Variants in PTPRD observed in about 807,000 individuals in gnomAD.
PTPRD encodes protein tyrosine phosphatase receptor type D.
In PTPRD, 34 loss-of-function variants were observed where a neutral mutation model predicts 214.5. That is an observed-to-expected ratio of 0.16 (90% CI 0.12 to 0.21). The LOEUF (loss-of-function observed/expected upper bound fraction) is 0.21. PTPRD is among the 10% of genes least tolerant of loss of function. The pLI is 1.00. For missense variants in PTPRD, 2,545 were observed against 2,398.7 expected, an observed-to-expected ratio of 1.06 and a Z score of -1.27; for synonymous variants, 1,128 against 845.7, an observed-to-expected ratio of 1.33 and a Z score of -5.79.
rs1488788508 is a variant in PTPRD at position 9,781,847 on chromosome 9, CAGT to C, written c.-367-14999_-367-14997del. ...TCGCTCTGTCGCCCAGGCTGGAGTG[CAGT>C]GGCGCAATCTCGGCTCGCTGCAAGC... On this transcript the variant is annotated intron_variant, in intron 5 of 45. Transcript: ENST00000381196. Among the ~76,000 whole-genome samples the C allele has an allele frequency of 1.6e-3, 238 of 149,654 alleles. 1 individual carries two copies. Among genetic ancestry groups the C allele is most frequent in the African/African-American group, 5.6e-3 (224 of 40,214 alleles).
chr9:9,218,572 T>A (rs2099953785), intron 9 of PTPRD, among the ~76,000 whole-genome samples: 1 of 152,080 alleles, frequency 6.6e-6, no homozygotes, highest in Admixed American at 6.6e-5. Context: ...GCCTTCTAAG[T>A]GAGACAAATG....
intron 11 of PTPRD, among the ~76,000 whole-genome samples, chr9:8,905,929 A>G (rs2098704833): frequency 6.6e-6 from 1 of 152,178 alleles, no homozygotes; most frequent in South Asian, 2.1e-4. Context: ...GCAAAAATAA[A>G]TATCACCATA....
intron 11 of PTPRD, among the ~76,000 whole-genome samples, chr9:8,885,067 T>C (rs144453560): frequency 6.6e-6 from 1 of 152,156 alleles, no homozygotes; most frequent in African/African-American, 2.4e-5. Context: ...GAAGTGCTGA[T>C]TGTGTTGAAT....
At chr9:8,969,535 T>A (rs886375908) in intron 11 of PTPRD, among the ~76,000 whole-genome samples, 2 of 151,980 alleles carry the variant, frequency 1.3e-5, no homozygotes, top group African/African-American at 4.8e-5. Flanking sequence ...GTAACATACA[T>A]CCAGCAATAT....
chr9:8,906,355 G>A lies in PTPRD; in HGVS notation c.-104+112342C>T, dbSNP rs138242372. Among the ~76,000 whole-genome samples the A allele has an allele frequency of 2.6e-4, 39 of 152,246 alleles. No individual in the cohort carries two copies. In the East Asian group the frequency reaches 5.2e-3, roughly 20 times the overall value. ...AATTAGTTTGAGTGACTTAAGAAGA[G>A]AGTGCACTGTAGATAGATTCTGACT... On this transcript the variant is annotated intron_variant, in intron 11 of 45. Coordinates refer to ENST00000381196, the MANE Select transcript of PTPRD (RefSeq NM_002839.4).
At chr9:9,291,971 T>A (rs571383722) in intron 9 of PTPRD, among the ~76,000 whole-genome samples, 3 of 151,150 alleles carry the variant, frequency 2.0e-5, no homozygotes, top group Admixed American at 6.6e-5. Flanking sequence ...TAATTTATGC[T>A]TTGCAATTAC....
intron 7 of PTPRD, among the ~76,000 whole-genome samples, chr9:9,609,678 G>A (rs1186439269): frequency 1.3e-5 from 2 of 152,134 alleles, no homozygotes; most frequent in Admixed American, 6.5e-5. Context: ...GGCCAGGCTG[G>A]TCTGGATCTC....
chr9:9,827,603 A>G (rs891550950), intron 5 of PTPRD, among the ~76,000 whole-genome samples: 3 of 152,216 alleles, frequency 2.0e-5, no homozygotes, highest in African/African-American at 4.8e-5. Context: ...ATGGGCAAGG[A>G]CTTCATGTCT....
intron 8 of PTPRD, among the ~76,000 whole-genome samples, chr9:9,461,613 A>C (rs1021518709): frequency 1.3e-5 from 2 of 152,146 alleles, no homozygotes; most frequent in African/African-American, 4.8e-5. Context: ...GGGTCTATTC[A>C]GGAAAATGCC....
chr9:9,822,384 C>T (rs1360192694), intron 5 of PTPRD, among the ~76,000 whole-genome samples: 1 of 150,326 alleles, frequency 6.7e-6, no homozygotes, highest in Non-Finnish European at 1.5e-5. Flanking sequence ...GCATTCCAGC[C>T]TGGTGACAGA....
chr9:10,112,801 C>G (rs2098702254), intron 3 of PTPRD, among the ~76,000 whole-genome samples: 1 of 152,180 alleles, frequency 6.6e-6, no homozygotes, highest in African/African-American at 2.4e-5. Context: ...TTCCCCTTAC[C>G]TCTCTGTAGA....
intron 7 of PTPRD, among the ~76,000 whole-genome samples, chr9:9,703,933 G>A (rs567999377): frequency 3.2e-4 from 48 of 152,162 alleles, no homozygotes; most frequent in Middle Eastern, 6.8e-3. Flanking sequence ...TACTCAGGCT[G>A]GAGTGCAGTG....
At chr9:9,418,957 T>C (rs1303417826) in intron 8 of PTPRD, among the ~76,000 whole-genome samples, 1 of 151,164 alleles carries the variant, frequency 6.6e-6, no homozygotes, top group African/African-American at 2.4e-5. Context: ...AAGAGTGTAG[T>C]GGAGAAGGAA....
chr9:9,555,272 C>A (rs1286510362), intron 8 of PTPRD, among the ~76,000 whole-genome samples: 1 of 151,894 alleles, frequency 6.6e-6, no homozygotes, highest in Non-Finnish European at 1.5e-5. Flanking sequence ...GATATATGGC[C>A]ACAGTCTTTT....
intron 3 of PTPRD, among the ~76,000 whole-genome samples, chr9:10,190,575 A>G (rs1192745911): frequency 1.3e-5 from 2 of 150,986 alleles, no homozygotes; most frequent in Non-Finnish European, 1.5e-5. Context: ...AAAACTACCC[A>G]TGTGTGATGG....
At chr9:8,706,641 A>T (rs2154400220) in intron 12 of PTPRD, among the ~76,000 whole-genome samples, 1 of 152,336 alleles carries the variant, frequency 6.6e-6, no homozygotes, top group South Asian at 2.1e-4. Context: ...GAGATGCGTG[A>T]GCATATGCCA....
chr9:8,770,432 G>A (rs1050899517), intron 11 of PTPRD, among the ~76,000 whole-genome samples: 2 of 151,254 alleles, frequency 1.3e-5, no homozygotes, highest in South Asian at 4.2e-4. Context: ...GAAAAAATAT[G>A]TTCTATGAGC....
At chr9:9,383,775 G>T (rs1332719175) in intron 9 of PTPRD, among the ~76,000 whole-genome samples, 1 of 151,864 alleles carries the variant, frequency 6.6e-6, no homozygotes, top group Non-Finnish European at 1.5e-5. Context: ...TCTCCCTTAC[G>T]CTAAAATTCC....
intron 11 of PTPRD, among the ~76,000 whole-genome samples, chr9:9,002,759 C>G (rs2099429014): frequency 6.6e-6 from 1 of 152,062 alleles, no homozygotes. Context: ...CCTAATCCCT[C>G]TAGGAATTGA....
Sources: gnomAD v4.1 joint callset for allele counts (sites outside exome capture counted in the v4.1 genomes callset) on GRCh38, gnomAD v4.1.1 for gene constraint, MANE v1.5 for transcripts, NCBI Gene and HGNC (gene_info 2026-07-23, HGNC 2026-07-21) for gene names.